Variants in ATRNL1 observed in about 807,000 individuals in gnomAD.
The protein encoded by ATRNL1 is attractin like 1, also known as attractin-like protein 1.
Under a neutral mutation model 182.7 loss-of-function variants are expected in ATRNL1, and 95 were observed. That is an observed-to-expected ratio of 0.52 (90% CI 0.44 to 0.62). ATRNL1 has a LOEUF of 0.62. ATRNL1 is among the 20% of genes least tolerant of loss of function. ATRNL1 has a pLI of 0.00. For synonymous variants in ATRNL1, 576 were observed against 568.3 expected, an observed-to-expected ratio of 1.01 and a Z score of -0.19; for missense variants, 1,471 against 1,679.5, an observed-to-expected ratio of 0.88 and a Z score of 2.17.
At chr10:115,486,396 T>C (rs1210298309) in intron 24 of ATRNL1, among the ~76,000 whole-genome samples, 11 of 152,280 alleles carry the variant, frequency 7.2e-5, no homozygotes, top group African/African-American at 2.6e-4. Flanking sequence ...CTCCACATCC[T>C]CTCCAGCATC....
chr10:115,494,668 C>A (rs1849457976), intron 24 of ATRNL1, among the ~76,000 whole-genome samples: 1 of 152,158 alleles, frequency 6.6e-6, no homozygotes, highest in South Asian at 2.1e-4. Flanking sequence ...GTTGAACCAA[C>A]CTTGCATCCC....
intron 8 of ATRNL1, among the ~76,000 whole-genome samples, chr10:115,172,460 G>T (rs563945160): frequency 6.6e-6 from 1 of 152,058 alleles, no homozygotes; most frequent in African/African-American, 2.4e-5. Context: ...TTGTAAATAT[G>T]CACTTAAGTA....
intron 27 of ATRNL1, among the ~76,000 whole-genome samples, chr10:115,772,728 A>T (rs927163111): frequency 6.6e-6 from 1 of 151,684 alleles, no homozygotes. Flanking sequence ...TTGCAAGTGA[A>T]ATTGCTTTTC....
At chr10:115,287,467 A>G (rs1179908201) in intron 15 of ATRNL1, among the ~76,000 whole-genome samples, 3 of 148,856 alleles carry the variant, frequency 2.0e-5, no homozygotes, top group African/African-American at 7.4e-5. Flanking sequence ...AGGTAACTAA[A>G]TGAATATTTC....
At chr10:115,231,466 G>A (rs1411936733) in intron 9 of ATRNL1, among the ~76,000 whole-genome samples, 2 of 152,048 alleles carry the variant, frequency 1.3e-5, no homozygotes, top group African/African-American at 2.4e-5. Flanking sequence ...TTTTTGAGGA[G>A]TTATAAGGAA....
chr10:115,284,316 G>A (rs529993680), intron 14 of ATRNL1, among the ~76,000 whole-genome samples: 172 of 152,178 alleles, frequency 1.1e-3, no homozygotes, highest in Non-Finnish European at 2.2e-3. Context: ...AAAAATAAAT[G>A]AGGAGACAGG....
chr10:115,738,126 A>AT lies in ATRNL1; in HGVS notation c.3903+10801dup, dbSNP rs10546896. Among the ~76,000 whole-genome samples the AT allele has an allele frequency of 8.4e-3, 397 of 47,094 alleles. 59 individuals carry two copies. Among genetic ancestry groups the AT allele is most frequent in the African/African-American group, 0.025 (379 of 15,210 alleles). 30.9% of individuals were successfully genotyped at this position (47,094 alleles called of 152,430 possible). On this transcript the variant is annotated intron_variant, in intron 27 of 28. Transcript: ENST00000355044. The stretch of plus-strand genomic sequence containing the variant: ...ATAAAAAATGATTTAGAAGATAATG[A>AT]TTTTTTTTTTTTTTTTTTTTTTTTT...
chr10:115,536,831 T>C (rs1251681958), intron 25 of ATRNL1, among the ~76,000 whole-genome samples: 5 of 152,024 alleles, frequency 3.3e-5, no homozygotes, highest in African/African-American at 9.7e-5. Flanking sequence ...AAAATGTAAC[T>C]CCCTGAAGAA....
chr10:115,536,939 T>C (rs1358713996), intron 25 of ATRNL1, among the ~76,000 whole-genome samples: 1 of 150,786 alleles, frequency 6.6e-6, no homozygotes, highest in East Asian at 1.9e-4. Flanking sequence ...GTAAGGACAC[T>C]GTGAAGAATT....
chr10:115,565,889 C>A (rs182847025), intron 26 of ATRNL1, among the ~76,000 whole-genome samples: 14 of 152,120 alleles, frequency 9.2e-5, no homozygotes, highest in Admixed American at 9.2e-4. Context: ...TTTCCATAGA[C>A]GTACAGGTTA....
intron 23 of ATRNL1, 69 bp from the exon 24 acceptor site, chr10:115,469,103 T>C: frequency 1.8e-6 from 1 of 551,552 alleles, no homozygotes; most frequent in Non-Finnish European, 2.8e-6. Flanking sequence ...TATAAAAAAC[T>C]ATAATATGCA....
At chr10:115,567,961 C>T (rs946518937) in intron 26 of ATRNL1, among the ~76,000 whole-genome samples, 2 of 152,066 alleles carry the variant, frequency 1.3e-5, no homozygotes, top group African/African-American at 4.8e-5. Flanking sequence ...TGAGTACTGT[C>T]ATCCTTTATC....
Position 115,389,554 on chromosome 10 carries a change from A to ATGTT in ATRNL1, c.3176-5104_3176-5103insGTTT, listed in dbSNP as rs1354757354. On this transcript the variant is annotated intron_variant, in intron 19 of 28. Coordinates refer to ENST00000355044, the MANE Select transcript of ATRNL1 (RefSeq NM_207303.4). Reference sequence around the variant, plus strand: ...AATGTGTATGTGTATATATATATATATATATATATATATATATATATATAT... The same window carrying ATGTT: ...AATGTGTATGTGTATATATATATATATGTTTATATATATATATATATATATATAT... Among the ~76,000 whole-genome samples the ATGTT allele has an allele frequency of 4.1e-5, 3 of 72,554 alleles. 1 individual carries two copies. Among genetic ancestry groups the ATGTT allele is most frequent in the African/African-American group, 1.5e-4 (3 of 20,342 alleles). The allele number at this position is 72,554 out of a possible 152,430, so 47.6% of individuals were successfully genotyped here. A position where few individuals can be genotyped will look rare whatever the true frequency, so the allele number is the denominator to read the frequency against.
Position 115,519,402 on chromosome 10 carries a change from C to A in ATRNL1, c.3716+78C>A, listed in dbSNP as rs187968989. ...ATGTCCTGTCAATCTGTTAGATAAT[C>A]GACCAATTCTAAAACCTTAAAGTAT... On this transcript the variant is annotated intron_variant, in intron 25 of 28. Coordinates refer to ENST00000355044, the MANE Select transcript of ATRNL1 (RefSeq NM_207303.4). 9.8e-5 allele frequency: 118 copies of A among 1,202,724 alleles called. 2 individuals are homozygous for A. In the East Asian group the frequency reaches 2.6e-3, roughly 26 times the overall value. 74.5% of individuals were successfully genotyped at this position (1,202,724 alleles called of 1,614,324 possible).
chr10:115,096,582 G>C (rs1383583887), intron 1 of ATRNL1: 4 of 893,072 alleles, frequency 4.5e-6, no homozygotes, highest in Admixed American at 2.3e-5. Flanking sequence ...GATCAATCTT[G>C]GTAAGCAGGT....
chr10:115,266,734 C>T, intron 11 of ATRNL1, 63 bp from the exon 12 acceptor site: 7 of 924,620 alleles, frequency 7.6e-6, no homozygotes, highest in Non-Finnish European at 1.2e-5. Flanking sequence ...ATTTTTATAA[C>T]TAAATCAGTA....
chr10:115,759,285 A>G (rs1948671595), intron 27 of ATRNL1, among the ~76,000 whole-genome samples: 3 of 152,192 alleles, frequency 2.0e-5, no homozygotes, highest in African/African-American at 4.8e-5. Flanking sequence ...GCACTAGTGA[A>G]TACATATTTG....
chr10:115,272,583 G>A (rs1851915937), intron 13 of ATRNL1, among the ~76,000 whole-genome samples: 1 of 152,116 alleles, frequency 6.6e-6, no homozygotes, highest in African/African-American at 2.4e-5. Flanking sequence ...ATTACTAAGG[G>A]CAGTAGTGAG....
At chr10:115,437,261 A>C (rs999147067) in intron 21 of ATRNL1, among the ~76,000 whole-genome samples, 1 of 152,214 alleles carries the variant, frequency 6.6e-6, no homozygotes, top group Middle Eastern at 3.4e-3. Context: ...TGCAAGATCC[A>C]AACAATGCTA....
Sources: gnomAD v4.1 joint callset for allele counts (sites outside exome capture counted in the v4.1 genomes callset) on GRCh38, gnomAD v4.1.1 for gene constraint, MANE v1.5 for transcripts, NCBI Gene and HGNC (gene_info 2026-07-23, HGNC 2026-07-21) for gene names.